TBC1D9B: variants seen among roughly 807,000 people sequenced by gnomAD.
TBC1D9B encodes the protein TBC1 domain family member 9B, also known as TBC1 domain family, member 9B (with GRAM domain).
TBC1D9B carries 87 observed loss-of-function variants against 121.1 expected under a neutral mutation model. That is an observed-to-expected ratio of 0.72 (90% CI 0.60 to 0.86). TBC1D9B has a LOEUF of 0.86. Among genes scored for constraint, TBC1D9B ranks in the 40% least tolerant of loss-of-function variants. The probability of loss-of-function intolerance (pLI) is 0.00; values close to 1 mark genes in which losing one functional copy is unlikely to be tolerated. For missense variants in TBC1D9B, 1,540 were observed against 1,628.6 expected, an observed-to-expected ratio of 0.95 and a Z score of 0.94; for synonymous variants, 668 against 670.1, an observed-to-expected ratio of 1.00 and a Z score of 0.05.
chr5:179,864,623 C>G (rs2113596920), intron 20 of TBC1D9B, among the ~76,000 whole-genome samples: 1 of 152,240 alleles, frequency 6.6e-6, no homozygotes, highest in East Asian at 1.9e-4. Context: ...GTGCTAGGTC[C>G]TGAAGCCACA....
intron 7 of TBC1D9B, among the ~76,000 whole-genome samples, chr5:179,887,234 T>C (rs1760715889): frequency 6.6e-6 from 1 of 152,240 alleles, no homozygotes; most frequent in Admixed American, 6.5e-5. Context: ...GATCCAGGCA[T>C]ATTCTCAATG....
At chr5:179,864,578 G>A (rs1240882714) in intron 20 of TBC1D9B, among the ~76,000 whole-genome samples, 1 of 152,052 alleles carries the variant, frequency 6.6e-6, no homozygotes, top group Non-Finnish European at 1.5e-5. Context: ...AGCTGGGGAG[G>A]GGGATCCTGG....
Position 179,867,772 on chromosome 5 carries a change from G to C in TBC1D9B, c.2863+6C>G, listed in dbSNP as rs367890812. 1 of 1,584,192 alleles carries C rather than the reference G, an allele frequency of 6.3e-7. No homozygotes were observed. Among genetic ancestry groups the C allele is most frequent in the East Asian group, 2.2e-5 (1 of 44,500 alleles). The stretch of plus-strand genomic sequence containing the variant: ...GGGCATGTCGGGTGTTCCAGTGGCC[G>C]CTCACCTTCTGAGGAGCTGTCCTCT... On this transcript the variant is annotated splice_donor_region_variant and intron_variant, in intron 18 of 20. Coordinates refer to ENST00000355235, the MANE Select transcript of TBC1D9B (RefSeq NM_015043.4).
intron 7 of TBC1D9B, among the ~76,000 whole-genome samples, chr5:179,882,944 C>T (rs1055551863): frequency 6.6e-6 from 1 of 152,192 alleles, no homozygotes; most frequent in African/African-American, 2.4e-5. Flanking sequence ...CTCCTTCTCC[C>T]ACCTCCTGGG....
At position 179,895,300 on chromosome 5, in the gene TBC1D9B, T is replaced by C. The variant is rs191861507; in HGVS notation, c.349-686A>G. Among the ~76,000 whole-genome samples the C allele has an allele frequency of 7.2e-5, 11 of 152,378 alleles. No individual in the cohort carries two copies. In the East Asian group the frequency reaches 1.7e-3, roughly 24 times the overall value. Reference sequence around the variant, plus strand: ...CTTTTCTCGCTCTCTGTAGTGACTTTCCTGGTTCCTTCCAGACATGCAAAC... The same window carrying C: ...CTTTTCTCGCTCTCTGTAGTGACTTCCCTGGTTCCTTCCAGACATGCAAAC... On this transcript the variant is annotated intron_variant, in intron 3 of 20. Coordinates refer to ENST00000355235, the MANE Select transcript of TBC1D9B (RefSeq NM_015043.4).
chr5:179,869,609 G>A (rs1760124901), intron 17 of TBC1D9B, 160 bp downstream of exon 17: 1 of 781,024 alleles, frequency 1.3e-6, no homozygotes, highest in Admixed American at 2.0e-5. Context: ...CCTCTGTGAA[G>A]TGCTCAAGCT....
rs1582071615 is a variant in TBC1D9B at position 179,865,515 on chromosome 5, A to C, written c.2915-155T>G. The C allele has an allele frequency of 1.4e-6, 1 of 708,138 alleles. No individual in the cohort carries two copies. The allele number at this position is 708,138 out of a possible 1,614,324, so 43.9% of individuals were successfully genotyped here. A position where few individuals can be genotyped will look rare whatever the true frequency, so the allele number is the denominator to read the frequency against. On this transcript the variant is annotated intron_variant, in intron 19 of 20. Coordinates refer to ENST00000355235, the MANE Select transcript of TBC1D9B (RefSeq NM_015043.4). The surrounding 1 kb of genome is among the most constrained non-coding windows in gnomAD (Gnocchi z 5.1). ...TTGGGAAGGTGGTCATGGGAAAAAAACCCAGAACAGCCACAGGTTTTCCCT... is the reference window on the plus strand; with the variant it reads ...TTGGGAAGGTGGTCATGGGAAAAAACCCCAGAACAGCCACAGGTTTTCCCT...
chr5:179,864,278 C>T (rs899784743), intron 20 of TBC1D9B, 150 bp from the exon 21 acceptor site: 24 of 779,896 alleles, frequency 3.1e-5, no homozygotes, highest in Middle Eastern at 4.9e-4. Context: ...TCCCATCTCA[C>T]AGATCAGGAC....
At chr5:179,889,808 A>T (rs1038439316) in intron 6 of TBC1D9B, among the ~76,000 whole-genome samples, 2 of 133,426 alleles carry the variant, frequency 1.5e-5, no homozygotes, top group Non-Finnish European at 3.1e-5. Flanking sequence ...CGGGAGATGG[A>T]GGCTGTAGTG....
At chr5:179,876,355 G>A (rs1760360280) in intron 10 of TBC1D9B, among the ~76,000 whole-genome samples, 1 of 152,176 alleles carries the variant, frequency 6.6e-6, no homozygotes, top group South Asian at 2.1e-4. Context: ...TGGGTCAGAA[G>A]GCACTGGGAA....
Position 179,862,467 on chromosome 5 carries a change from A to T in TBC1D9B, c.*981T>A. 2.3e-6 allele frequency: 1 copy of T among 434,084 alleles called. No homozygotes were observed. Among genetic ancestry groups the T allele is most frequent in the South Asian group, 1.6e-5 (1 of 63,700 alleles). 26.9% of individuals were successfully genotyped at this position (434,084 alleles called of 1,614,324 possible). ...TGCTACAGCCCAGGCCTGAGGATGC[A>T]CTTCCTTCACCAGGACCCACAACCC... is the stretch of plus-strand genomic sequence containing the variant. On this transcript the variant is annotated 3_prime_UTR_variant, in exon 21 of 21. Transcript: ENST00000355235.
At chr5:179,879,344 G>T in intron 8 of TBC1D9B, 147 bp from the exon 9 acceptor site, 2 of 1,302,820 alleles carry the variant, frequency 1.5e-6, no homozygotes, top group Non-Finnish European at 2.1e-6. Context: ...AGACCAGGCC[G>T]CGCTGAGCCA....
chr5:179,901,215 G>A (rs889220663), intron 2 of TBC1D9B, among the ~76,000 whole-genome samples: 10 of 152,054 alleles, frequency 6.6e-5, no homozygotes, highest in Non-Finnish European at 1.3e-4. Context: ...AGCCCCTTAA[G>A]TCATCCATAA....
rs1260572025 is a variant in TBC1D9B, at chr5:179,893,469, T to C, written c.578-2A>G. 1.9e-6 allele frequency: 3 copies of C among 1,594,746 alleles called. No individual in the cohort carries two copies. The highest frequency in any genetic ancestry group is 2.7e-5 in the African/African-American group (2 of 74,594). On this transcript the variant is annotated splice_acceptor_variant, in intron 4 of 20. Transcript: ENST00000355235. LOFTEE classifies it high-confidence loss of function. ...CCACCCACTGCACCACGAGGCTCAC[T>C]GTGCCCACAGAGATAGACACACCGC...
chr5:179,870,693 G>A, intron 15 of TBC1D9B, 198 bp from the exon 16 acceptor site: 1 of 831,914 alleles, frequency 1.2e-6, no homozygotes, highest in Non-Finnish European at 1.8e-6. Context: ...TGGGGAGGGG[G>A]TTGGCTGAGA....
chr5:179,878,300 G>A lies in TBC1D9B; in HGVS notation c.1782+9C>T. On this transcript the variant is annotated intron_variant, in intron 10 of 20. Transcript: ENST00000355235. ...GATGCTGTCTCTGGGCCCCTGTCAG[G>A]CCCCTTACCTGGCAGTAGCCGATGG... 1.9e-6 allele frequency: 3 copies of A among 1,608,146 alleles called. No homozygotes were observed. The highest frequency in any genetic ancestry group is 1.1e-5 in the South Asian group (1 of 90,030).
In TBC1D9B at chr5:179,863,942, G is replaced by A. The variant is rs537504596; in HGVS notation, c.3208C>T (p.Pro1070Ser). ...RDCATEEDEP[P>S]APELHQDAAR... ...GCGTCCTGATGCAGTTCGGGTGCTG[G>A]TGGCTCGTCCTCCTCAGTGGCACAG... The change falls in exon 21 of 21, where the codon CCA (proline) becomes TCA (serine). Residue 1070 changes from proline (P) to serine (S), a missense_variant. Coordinates refer to ENST00000355235, the MANE Select transcript of TBC1D9B (RefSeq NM_015043.4). This position sits in a 1 kb window ranked among gnomAD's most constrained non-coding sequence, Gnocchi z 4.5. The A allele has an allele frequency of 3.1e-6, 5 of 1,613,900 alleles. No homozygotes were observed. The East Asian group carries it at 8.9e-5, about 29-fold the overall frequency.
intron 3 of TBC1D9B, among the ~76,000 whole-genome samples, chr5:179,896,088 TCA>T (rs1160928): frequency 0.43 from 64,613 of 151,862 alleles, 14,696 homozygotes; most frequent in East Asian, 0.76. Flanking sequence ...ATTTATCTTC[TCA>T]CAGTTTCCTG....
chr5:179,904,957 C>T lies in TBC1D9B; in HGVS notation c.119-145G>A, dbSNP rs1049928197. On this transcript the variant is annotated intron_variant, in intron 1 of 20. Transcript: ENST00000355235. The surrounding 1 kb of genome is among the most constrained non-coding windows in gnomAD (Gnocchi z 4.2). Reference sequence around the variant, plus strand: ...AGGGAAACGTCCGGAATGACCCCTGCGGTCAAAGGCCTTCAGCCAGTGTCT... The same window carrying T: ...AGGGAAACGTCCGGAATGACCCCTGTGGTCAAAGGCCTTCAGCCAGTGTCT... 29 of 588,930 alleles carry T rather than the reference C, an allele frequency of 4.9e-5. No individual in the cohort carries two copies. Among genetic ancestry groups the T allele is most frequent in the Non-Finnish European group, 6.7e-5 (23 of 345,188 alleles). 36.5% of individuals were successfully genotyped at this position (588,930 alleles called of 1,614,324 possible).
Sources: gnomAD v4.1 joint callset for allele counts (sites outside exome capture counted in the v4.1 genomes callset) on GRCh38, gnomAD v4.1.1 for gene constraint, Gnocchi (gnomAD v3.1) non-coding constraint, MANE v1.5 for transcripts, NCBI Gene and HGNC (gene_info 2026-07-23, HGNC 2026-07-21) for gene names.